The following IL27RA variants were observed in gnomAD, a reference collection of about 807,000 sequenced individuals.
The protein encoded by IL27RA is interleukin-27 receptor subunit alpha.
A neutral mutation model predicts 80.8 loss-of-function variants in IL27RA; 61 were observed. The ratio of observed to expected loss-of-function variants is 0.76; its 90% CI spans 0.61 to 0.93. IL27RA has a LOEUF of 0.93. Ranked by LOEUF, IL27RA falls within the 40% of genes least tolerant of loss-of-function variation. IL27RA has a pLI of 0.00. For missense variants in IL27RA, 735 were observed against 808.1 expected (o/e 0.91, Z 1.10); for synonymous variants, 316 against 332.5 (o/e 0.95, Z 0.54).
chr19:14,042,776 T>C lies in IL27RA; in HGVS notation c.755T>C (p.Leu252Ser). 3.7e-6 allele frequency: 6 copies of C among 1,614,050 alleles called. No individual in the cohort carries two copies. Among genetic ancestry groups the C allele is most frequent in the Non-Finnish European group, 5.1e-6 (6 of 1,179,934 alleles). ...LCGTPGGEEP[L>S]LLWKAPGPCV... ...GGGACGCCTGGAGGAGAGGAACCTT[T>C]GCTTCTATGGAAGGTGAGCTTCAGG... Residue 252 changes from leucine (L) to serine (S), a missense_variant, in exon 6 of 14, where the codon TTG becomes TCG. Coordinates refer to ENST00000263379, the MANE Select transcript of IL27RA (RefSeq NM_004843.4).
chr19:14,036,324 C>A (rs2145686515), intron 2 of IL27RA, among the ~76,000 whole-genome samples: 1 of 151,998 alleles, frequency 6.6e-6, no homozygotes, highest in South Asian at 2.1e-4. Flanking sequence ...TCATCTTCTC[C>A]CCCTAGCCTC....
In IL27RA at chr19:14,046,559, C is replaced by T. The variant is rs1444439192; in HGVS notation, c.1082C>T (p.Pro361Leu). 6.2e-7 allele frequency: 1 copy of T among 1,613,872 alleles called. No individual in the cohort carries two copies. Among genetic ancestry groups the T allele is most frequent in the South Asian group, 1.1e-5 (1 of 91,066 alleles). The change falls in exon 8 of 14, where the codon CCC (proline) becomes CTC (leucine). Residue 361 changes from proline (P) to leucine (L), a missense_variant. Coordinates refer to ENST00000263379, the MANE Select transcript of IL27RA (RefSeq NM_004843.4). The part of the protein sequence containing the change: ...HVVDWARDGD[P>L]LEKLNWVRLP... ...GTGGACTGGGCTCGAGATGGGGACC[C>T]CCTGGAGAAACTCAACTGGGTCCGG... is the stretch of plus-strand genomic sequence containing the variant.
chr19:14,052,262 G>A lies in IL27RA; in HGVS notation c.1883G>A (p.Gly628Glu). The change falls in exon 14 of 14, where the codon GGG (glycine) becomes GAG (glutamate). Residue 628 changes from glycine to glutamate, a missense_variant. Gly to Glu is a moderately conservative substitution (Grantham distance 98, BLOSUM62 -2). Coordinates refer to ENST00000263379, the MANE Select transcript of IL27RA (RefSeq NM_004843.4). ...LPTPEELGLL[G>E]PPRPQVLA Reference sequence around the variant, plus strand: ...ACACCTGAGGAGCTGGGCCTTCTGGGGCCCCCCAGGCCACAGGTTCTGGCC... The same window carrying A: ...ACACCTGAGGAGCTGGGCCTTCTGGAGCCCCCCAGGCCACAGGTTCTGGCC... The A allele has an allele frequency of 1.3e-6, 2 of 1,537,610 alleles. No homozygotes were observed. Among genetic ancestry groups the A allele is most frequent in the South Asian group, 1.3e-5 (1 of 77,268 alleles).
chr19:14,042,349 A>G (rs553648110), intron 4 of IL27RA, 104 bp from the exon 5 acceptor site: 24 of 1,263,654 alleles, frequency 1.9e-5, no homozygotes, highest in Admixed American at 4.3e-5. Flanking sequence ...CTGGGCCACA[A>G]CGAGACTGTC....
chr19:14,048,293 T>TAAA lies in IL27RA; in HGVS notation c.1142-688_1142-687insAAA, dbSNP rs1437969219. ...ATAAATAAATAAATAAATAAATAAA[T>TAAA]TAATTAATTAATGAACTTGGAAGAA... On this transcript the variant is annotated intron_variant, in intron 8 of 13. Transcript: ENST00000263379. 1.7e-3 allele frequency among the ~76,000 whole-genome samples: 242 copies of TAAA among 138,950 alleles called. 1 individual carries two copies. The highest frequency in any genetic ancestry group is 5.5e-3 in the African/African-American group (198 of 36,324). The allele number at this position is 138,950 out of a possible 152,430, so 91.2% of individuals were successfully genotyped here.
intron 1 of IL27RA, 111 bp downstream of exon 1, chr19:14,032,083 G>A: frequency 1.1e-6 from 1 of 947,690 alleles, no homozygotes; most frequent in Non-Finnish European, 1.6e-6. Context: ...AGAGGTGCAG[G>A]CGCCACTCGG....
intron 10 of IL27RA, among the ~76,000 whole-genome samples, chr19:14,050,241 C>G (rs1976138602): frequency 6.6e-6 from 1 of 151,960 alleles, no homozygotes; most frequent in South Asian, 2.1e-4. Context: ...GTGGCTCACA[C>G]CTATAATCCC....
At chr19:14,033,404 C>A (rs1391233643) in intron 2 of IL27RA, among the ~76,000 whole-genome samples, 1 of 151,236 alleles carries the variant, frequency 6.6e-6, no homozygotes, top group African/African-American at 2.4e-5. Flanking sequence ...TGGCCGAGAG[C>A]CCGTCTCTTA....
intron 4 of IL27RA, among the ~76,000 whole-genome samples, chr19:14,041,069 C>T (rs552652462): frequency 1.0e-4 from 15 of 150,544 alleles, no homozygotes; most frequent in African/African-American, 3.7e-4. Flanking sequence ...ATGCCCGGCT[C>T]ATTTTGTATT....
chr19:14,052,614 C>G lies in IL27RA; in HGVS notation c.*324C>G, dbSNP rs896645128. On this transcript the variant is annotated 3_prime_UTR_variant, in exon 14 of 14. Transcript: ENST00000263379. ...AGCACAGTGGCTCACGCCTGTAATC[C>G]CAGCACTTTGGCAGGCCAAGGTGGA... 4.1e-6 allele frequency: 1 copy of G among 246,566 alleles called. No individual in the cohort carries two copies. Among genetic ancestry groups the G allele is most frequent in the African/African-American group, 2.2e-5 (1 of 44,738 alleles). 15.3% of individuals were successfully genotyped at this position (246,566 alleles called of 1,614,324 possible).
chr19:14,036,636 G>A (rs1448336087), intron 2 of IL27RA, among the ~76,000 whole-genome samples: 2 of 151,026 alleles, frequency 1.3e-5, no homozygotes, highest in Non-Finnish European at 2.9e-5. Flanking sequence ...TTATAGGTGC[G>A]CATCTCCACA....
intron 2 of IL27RA, among the ~76,000 whole-genome samples, chr19:14,037,454 G>A (rs558150840): frequency 2.0e-5 from 3 of 150,826 alleles, no homozygotes; most frequent in Admixed American, 6.6e-5. Flanking sequence ...GGGGTTTCAC[G>A]ATGTTGTCCA....
At position 14,052,125 on chromosome 19, in the gene IL27RA, C is replaced by G. The variant is rs373290514; in HGVS notation, c.1746C>G (p.Asp582Glu). Reference sequence around the variant, plus strand: ...TACCTGAGGCCCAGCCCCTTGGGGACTTGCCCATCCTGGAAGTGGAGGAGA... The same window carrying G: ...TACCTGAGGCCCAGCCCCTTGGGGAGTTGCCCATCCTGGAAGTGGAGGAGA... ...EQVPEAQPLGDLPILEVEEME... is the reference protein window; with the variant it reads ...EQVPEAQPLGELPILEVEEME... Residue 582 changes from aspartate to glutamate, a missense_variant, in exon 14 of 14, where the codon GAC (aspartate) becomes GAG (glutamate). Coordinates refer to ENST00000263379, the MANE Select transcript of IL27RA (RefSeq NM_004843.4). 1.5e-5 allele frequency: 24 copies of G among 1,613,306 alleles called. No individual in the cohort carries two copies. The highest frequency in any genetic ancestry group is 1.9e-5 in the Non-Finnish European group (23 of 1,179,856).
At chr19:14,040,102 G>A (rs1975968517) in intron 4 of IL27RA, among the ~76,000 whole-genome samples, 192 bp downstream of exon 4, 1 of 152,094 alleles carries the variant, frequency 6.6e-6, no homozygotes, top group Non-Finnish European at 1.5e-5. Flanking sequence ...GGTGGTTCAC[G>A]CCTGTAATCC....
In IL27RA at chr19:14,031,768, C is replaced by T. The variant is rs1036596632; in HGVS notation, c.-105C>T. On this transcript the variant is annotated 5_prime_UTR_variant, in exon 1 of 14. Coordinates refer to ENST00000263379, the MANE Select transcript of IL27RA (RefSeq NM_004843.4). ...GAGGCGGCCTGCCGGGGTGGTTCGG[C>T]TTCCCGTTGCCGCCTCGGGCGCTGT... 5 of 937,302 alleles carry T rather than the reference C, an allele frequency of 5.3e-6. No homozygotes were observed. The highest frequency in any genetic ancestry group is 3.3e-4 in the Middle Eastern group (1 of 2,992). The allele number at this position is 937,302 out of a possible 1,614,324, so 58.1% of individuals were successfully genotyped here.
intron 4 of IL27RA, 40 bp downstream of exon 4, chr19:14,039,950 C>T (rs772485804): frequency 1.1e-5 from 18 of 1,597,158 alleles, no homozygotes; most frequent in Middle Eastern, 1.7e-4. Flanking sequence ...CTATTCCGGG[C>T]GGGGACTGAG....
chr19:14,031,855 G>T lies in IL27RA; in HGVS notation c.-18G>T. On this transcript the variant is annotated 5_prime_UTR_variant, in exon 1 of 14. Coordinates refer to ENST00000263379, the MANE Select transcript of IL27RA (RefSeq NM_004843.4). Reference sequence around the variant, plus strand: ...ACCCGGCAAGGCTGGGCCGGACTCGGGGCTCCCGAGGGACGCCATGCGGGG... The same window carrying T: ...ACCCGGCAAGGCTGGGCCGGACTCGTGGCTCCCGAGGGACGCCATGCGGGG... The T allele has an allele frequency of 6.3e-7, 1 of 1,578,444 alleles. No homozygotes were observed. Among genetic ancestry groups the T allele is most frequent in the Non-Finnish European group, 8.6e-7 (1 of 1,163,544 alleles).
intron 4 of IL27RA, among the ~76,000 whole-genome samples, chr19:14,040,924 T>C (rs73519645): frequency 0.34 from 49,754 of 148,206 alleles, 11,086 homozygotes; most frequent in African/African-American, 0.63. Flanking sequence ...TTTTTTGAGA[T>C]GGCGTTTTGC....
chr19:14,049,268 C>T lies in IL27RA; in HGVS notation c.1356C>T (p.Tyr452=). 1 of 1,614,174 alleles carries T rather than the reference C, an allele frequency of 6.2e-7. No homozygotes were observed. Among genetic ancestry groups the T allele is most frequent in the Non-Finnish European group, 8.5e-7 (1 of 1,180,034 alleles). The stretch of plus-strand genomic sequence containing the variant: ...AGCTTCGAGGCCACCTCACCCACTA[C>T]ACCTTGTGTGCACAGAGTGGAACCA... The part of the protein sequence containing the change: ...RHQLRGHLTH[Y]TLCAQSGTSP... Residue 452 remains tyrosine, a synonymous_variant, in exon 10 of 14, where the codon TAC becomes TAT. Coordinates refer to ENST00000263379, the MANE Select transcript of IL27RA (RefSeq NM_004843.4).
Sources: allele counts gnomAD v4.1 joint callset (sites outside exome capture counted in the v4.1 genomes callset), GRCh38; gene constraint gnomAD v4.1.1; transcripts MANE v1.5; gene names NCBI Gene and HGNC (gene_info 2026-07-23, HGNC 2026-07-21).